The following NR4A1 variants were observed in gnomAD, a reference collection of about 807,000 sequenced individuals.
NR4A1 encodes the protein nuclear receptor subfamily 4immunitygroup A member 1.
A neutral mutation model predicts 47.5 loss-of-function variants in NR4A1; 24 were observed. That is an observed-to-expected ratio of 0.50 (90% CI 0.37 to 0.71). NR4A1 has a LOEUF of 0.71. Among genes scored for constraint, NR4A1 ranks in the 30% least tolerant of loss-of-function variants. The probability of loss-of-function intolerance (pLI) is 0.00; values close to 1 mark genes in which losing one functional copy is unlikely to be tolerated. For synonymous variants in NR4A1, 353 were observed against 345.7 expected (o/e 1.02, Z -0.24); for missense variants, 669 against 788.6 (o/e 0.85, Z 1.82).
At position 52,056,553 on chromosome 12, in the gene NR4A1, C is replaced by T. The variant is rs1351210221; in HGVS notation, c.1066C>T (p.Pro356Ser). The change falls in exon 4 of 7, where the codon CCC becomes TCC. Residue 356 changes from proline to serine, a missense_variant. Coordinates refer to ENST00000394825, the MANE Select transcript of NR4A1 (RefSeq NM_173157.3). ...CCGGCTACCTTCAAAACCCAAGCAG[C>T]CCCCAGATGCCTCCCCTGCCAATCT... is the stretch of plus-strand genomic sequence containing the variant. ...RGRLPSKPKQPPDASPANLLT... is the reference protein window; with the variant it reads ...RGRLPSKPKQSPDASPANLLT... 1.9e-6 allele frequency: 3 copies of T among 1,613,452 alleles called. No individual in the cohort carries two copies. Among genetic ancestry groups the T allele is most frequent in the Non-Finnish European group, 2.5e-6 (3 of 1,179,834 alleles).
intron 6 of NR4A1, among the ~76,000 whole-genome samples, chr12:52,057,941 GC>G (rs1440276330): frequency 6.6e-6 from 1 of 151,974 alleles, no homozygotes; most frequent in African/African-American, 2.4e-5. Context: ...CCATTATTGT[GC>G]CCCCTTCCAG....
In NR4A1 at chr12:52,057,194, G is replaced by A. The variant is rs137875763; in HGVS notation, c.1296G>A (p.Pro432=). The change falls in exon 5 of 7, where the codon CCG becomes CCA. Residue 432 remains proline, a synonymous_variant. Coordinates refer to ENST00000394825, the MANE Select transcript of NR4A1 (RefSeq NM_173157.3). ...TCCCTGGCTTTGCTGAGCTGTCACCGGCTGACCAGGACCTGTTGCTGGAGT... is the reference window on the plus strand; with the variant it reads ...TCCCTGGCTTTGCTGAGCTGTCACCAGCTGACCAGGACCTGTTGCTGGAGT... The part of the protein sequence containing the change: ...EKIPGFAELS[P]ADQDLLLESA... 10 of 1,613,950 alleles carry A rather than the reference G, an allele frequency of 6.2e-6. No homozygotes were observed. The East Asian group carries it at 1.3e-4, about 22-fold the overall frequency.
Position 52,054,895 on chromosome 12 carries a change from C to T in NR4A1, c.567C>T (p.Phe189=), listed in dbSNP as rs781371258. 1.2e-6 allele frequency: 2 copies of T among 1,614,172 alleles called. No homozygotes were observed. The highest frequency in any genetic ancestry group is 1.7e-5 in the Admixed American group (1 of 60,036). The part of the protein sequence containing the change: ...KASGPPQPPA[F]FSFSPPTGPS... ...CTGGGCCCCCACAGCCTCCAGCCTT[C>T]TTTTCCTTCAGTCCTCCCACCGGCC... is the stretch of plus-strand genomic sequence containing the variant. The change falls in exon 2 of 7, where the codon TTC becomes TTT. Residue 189 remains phenylalanine, a synonymous_variant. Transcript: ENST00000394825.
chr12:52,023,618 C>G (rs1382689521), intron 1 of NR4A1, among the ~76,000 whole-genome samples: 1 of 151,998 alleles, frequency 6.6e-6, no homozygotes, highest in African/African-American at 2.4e-5. Context: ...TCTGCACTCT[C>G]AACCCCTCAC....
At chr12:52,053,985 A>C in intron 1 of NR4A1, 5 of 240,826 alleles carry the variant, frequency 2.1e-5, no homozygotes, top group East Asian at 8.5e-5. Context: ...CCCATGGGGG[A>C]GGGGCAGGGG....
At chr12:52,033,248 C>T (rs1368339838) in intron 1 of NR4A1, among the ~76,000 whole-genome samples, 6 of 152,016 alleles carry the variant, frequency 3.9e-5, no homozygotes, top group Non-Finnish European at 2.9e-5. Flanking sequence ...GCGTTCCGGT[C>T]GCGGGCCCCT....
chr12:52,024,730 G>T (rs934709619), intron 1 of NR4A1, among the ~76,000 whole-genome samples: 2 of 152,058 alleles, frequency 1.3e-5, no homozygotes, highest in African/African-American at 2.4e-5. Context: ...GAAAGAAAAA[G>T]AAAACAAAAA....
At chr12:52,054,027 C>A in intron 1 of NR4A1, 1 of 397,876 alleles carries the variant, frequency 2.5e-6, no homozygotes. Flanking sequence ...CCTGTTCTAG[C>A]AGAGAAATGC....
rs1939419415 is a variant in NR4A1 at position 52,058,924 on chromosome 12, A to G, written c.1777A>G (p.Met593Val). 6.2e-7 allele frequency: 1 copy of G among 1,612,796 alleles called. No homozygotes were observed. The highest frequency in any genetic ancestry group is 8.5e-7 in the Non-Finnish European group (1 of 1,178,956). ...PPPPIIDKIF[M>V]DTLPF ...TCCACCCATCATTGACAAGATCTTC[A>G]TGGACACGCTGCCCTTCTGACCCCT... Residue 593 changes from methionine (M) to valine (V), a missense_variant, in exon 7 of 7, where the codon ATG becomes GTG. Coordinates refer to ENST00000394825, the MANE Select transcript of NR4A1 (RefSeq NM_173157.3).
intron 1 of NR4A1, 99 bp downstream of exon 1, chr12:52,051,667 C>A: frequency 1.2e-6 from 1 of 800,856 alleles, no homozygotes; most frequent in Non-Finnish European, 1.5e-6. Flanking sequence ...GGCCGGCATG[C>A]AAGAGGGTAG....
Position 52,058,710 on chromosome 12 carries a change from G to A in NR4A1, c.1563G>A (p.Pro521=), listed in dbSNP as rs750717562. Residue 521 remains proline, a synonymous_variant, in exon 7 of 7, where the codon CCG becomes CCA. Coordinates refer to ENST00000394825, the MANE Select transcript of NR4A1 (RefSeq NM_173157.3). ...CAGACCGGCATGGGCTGCAGGAGCC[G>A]CGGCGGGTGGAGGAGCTGCAGAACC... ...LITDRHGLQE[P]RRVEELQNRI... 17 of 1,605,166 alleles carry A rather than the reference G, an allele frequency of 1.1e-5. No homozygotes were observed. The highest frequency in any genetic ancestry group is 2.0e-4 in the Middle Eastern group (1 of 5,090).
At chr12:52,048,896 A>C (rs1938785660), upstream of NR4A1, among the ~76,000 whole-genome samples, 2 of 152,122 alleles carry the variant, frequency 1.3e-5, no homozygotes, top group Non-Finnish European at 2.9e-5. Context: ...CTTACGGAAA[A>C]GCCTAAGAGA....
intron 1 of NR4A1, among the ~76,000 whole-genome samples, chr12:52,036,148 CCAG>C (rs1242288292): frequency 6.6e-6 from 1 of 152,174 alleles, no homozygotes; most frequent in African/African-American, 2.4e-5. Flanking sequence ...GCCTTCCTGA[CCAG>C]CCTCTCCTGA....
At chr12:52,055,896 T>G in intron 2 of NR4A1, 134 bp from the exon 3 acceptor site, 1 of 306,004 alleles carries the variant, frequency 3.3e-6, no homozygotes, top group Non-Finnish European at 5.9e-6. Flanking sequence ...GCCACCCAAA[T>G]GTTAGAAAAA....
intron 2 of NR4A1, among the ~76,000 whole-genome samples, chr12:52,043,202 G>A (rs1938502693): frequency 6.6e-6 from 1 of 152,198 alleles, no homozygotes; most frequent in Non-Finnish European, 1.5e-5. Context: ...CTGTAAGGGG[G>A]AGAGGCAGGT....
At chr12:52,053,964 A>C in intron 1 of NR4A1, 2 of 231,688 alleles carry the variant, frequency 8.6e-6, no homozygotes, top group South Asian at 2.2e-4. Context: ...CCCGGCCCCC[A>C]CCATGCCTTC....
chr12:52,034,717 T>C (rs1686671781), intron 1 of NR4A1, among the ~76,000 whole-genome samples: 2 of 152,186 alleles, frequency 1.3e-5, no homozygotes, highest in South Asian at 4.1e-4. Context: ...TACTGGACAT[T>C]TGTAATGACT....
Position 52,054,396 on chromosome 12 carries a change from G to A in NR4A1, c.68G>A (p.Ser23Asn). 1 of 1,613,528 alleles carries A rather than the reference G, an allele frequency of 6.2e-7. No individual in the cohort carries two copies. Among genetic ancestry groups the A allele is most frequent in the African/African-American group, 1.3e-5 (1 of 74,964 alleles). The change falls in exon 2 of 7, where the codon AGC becomes AAC. Residue 23 changes from serine to asparagine, a missense_variant. Transcript: ENST00000394825. ...PSPGPRDHLASDPLTPEFIKP... is the reference protein window; with the variant it reads ...PSPGPRDHLANDPLTPEFIKP... ...CCGGGACCCCGTGACCACCTGGCAAGCGACCCCCTGACCCCTGAGTTCATC... is the reference window on the plus strand; with the variant it reads ...CCGGGACCCCGTGACCACCTGGCAAACGACCCCCTGACCCCTGAGTTCATC...
upstream of NR4A1, among the ~76,000 whole-genome samples, chr12:52,048,683 T>C (rs1036355524): frequency 2.0e-5 from 3 of 152,156 alleles, no homozygotes; most frequent in South Asian, 4.1e-4. Flanking sequence ...GGTGAGGAAG[T>C]CAGCCTGTGA....
Sources: allele counts gnomAD v4.1 joint callset (sites outside exome capture counted in the v4.1 genomes callset), GRCh38; gene constraint gnomAD v4.1.1; transcripts MANE v1.5; gene names NCBI Gene and HGNC (gene_info 2026-07-23, HGNC 2026-07-21).